The following CFAP77 variants were observed in gnomAD, a reference collection of about 807,000 sequenced individuals.
CFAP77 encodes cilia and flagella associated protein 77.
CFAP77 carries 25 observed loss-of-function variants against 31.1 expected under a neutral mutation model. The ratio of observed to expected loss-of-function variants is 0.80; its 90% CI spans 0.59 to 1.12. CFAP77 has a LOEUF of 1.12. Ranked by LOEUF, CFAP77 falls within the 50% of genes most tolerant of loss-of-function variation. The pLI is 0.00. For synonymous variants in CFAP77, 151 were observed against 159.9 expected (o/e 0.94, Z 0.42); for missense variants, 377 against 397.3 (o/e 0.95, Z 0.44).
Position 132,471,443 on chromosome 9 carries a change from AC to A in CFAP77, c.196-27243del, listed in dbSNP as rs112584387. ...TCCACTTCTTCCTATTCCTTTAAGG[AC>A]CCCCCCCCACCGTTGCCCACACACA... On this transcript the variant is annotated intron_variant, in intron 1 of 5. Coordinates refer to ENST00000393216, the MANE Select transcript of CFAP77 (RefSeq NM_001282957.2). Among the ~76,000 whole-genome samples the A allele has an allele frequency of 2.5e-3, 337 of 135,994 alleles. 1 individual carries two copies. The highest frequency in any genetic ancestry group is 7.6e-3 in the African/African-American group (274 of 36,080). 89.2% of individuals were successfully genotyped at this position (135,994 alleles called of 152,430 possible). A position where few individuals can be genotyped will look rare whatever the true frequency, so the allele number is the denominator to read the frequency against.
chr9:132,498,937 A>C lies in CFAP77; in HGVS notation c.295+143A>C. On this transcript the variant is annotated intron_variant, in intron 2 of 5. Coordinates refer to ENST00000393216, the MANE Select transcript of CFAP77 (RefSeq NM_001282957.2). This position sits in a 1 kb window ranked among gnomAD's most constrained non-coding sequence, Gnocchi z 4.2. ...CAGGGACCGCCAGCCTGGGCAGCTG[A>C]CTGGTAAAACCCAGGAAGTGGCCCA... The C allele has an allele frequency of 1.5e-6, 1 of 645,296 alleles. No individual in the cohort carries two copies. The highest frequency in any genetic ancestry group is 2.7e-6 in the Non-Finnish European group (1 of 371,498). 40.0% of individuals were successfully genotyped at this position (645,296 alleles called of 1,614,324 possible).
At chr9:132,432,443 T>A (rs978980911) in intron 1 of CFAP77, among the ~76,000 whole-genome samples, 65 of 152,184 alleles carry the variant, frequency 4.3e-4, no homozygotes, top group Admixed American at 1.7e-3. Context: ...GACTTTGGAC[T>A]TGGACAGGTC....
At chr9:132,558,246 C>T (rs528277161) in intron 5 of CFAP77, among the ~76,000 whole-genome samples, 22 of 152,326 alleles carry the variant, frequency 1.4e-4, no homozygotes, top group East Asian at 5.8e-4. Flanking sequence ...TAGCCCACTA[C>T]ATAGAAATAA....
At chr9:132,519,582 G>A (rs866763172) in intron 3 of CFAP77, among the ~76,000 whole-genome samples, 14 of 108,826 alleles carry the variant, frequency 1.3e-4, no homozygotes, top group Middle Eastern at 5.0e-3. Context: ...ATAGATGGAT[G>A]GATGGATGGA....
chr9:132,460,047 C>T (rs930005626), intron 1 of CFAP77, among the ~76,000 whole-genome samples: 4 of 152,176 alleles, frequency 2.6e-5, no homozygotes, highest in African/African-American at 9.7e-5. Context: ...CAGGGCATCG[C>T]ACCCTGAGGA....
At chr9:132,493,843 CTTTCT>C (rs969358705) in intron 1 of CFAP77, among the ~76,000 whole-genome samples, 167 of 151,778 alleles carry the variant, frequency 1.1e-3, no homozygotes, top group African/African-American at 3.2e-3. Flanking sequence ...TTTTTCTTTC[CTTTCT>C]TTTCTTTTCT....
chr9:132,564,993 T>C lies in CFAP77; in HGVS notation c.733-7395T>C, dbSNP rs1829866053. Among the ~76,000 whole-genome samples the C allele has an allele frequency of 3.9e-5, 6 of 152,114 alleles. No individual in the cohort carries two copies. The South Asian group carries it at 1.0e-3, about 26-fold the overall frequency. On this transcript the variant is annotated intron_variant, in intron 5 of 5. Coordinates refer to ENST00000393216, the MANE Select transcript of CFAP77 (RefSeq NM_001282957.2). This position sits in a 1 kb window ranked among gnomAD's most constrained non-coding sequence, Gnocchi z 4.6. ...GGCCTTGGGTTTTCCATCTGTAGTA[T>C]GGGAGAGTTAGATTCGATATCACTA...
intron 3 of CFAP77, among the ~76,000 whole-genome samples, chr9:132,519,546 AG>A (rs1852220205): frequency 7.6e-5 from 1 of 13,178 alleles, no homozygotes; most frequent in Non-Finnish European, 1.6e-4. Flanking sequence ...ATGGGTGGGT[AG>A]ATGGATGAAT....
intron 1 of CFAP77, among the ~76,000 whole-genome samples, chr9:132,441,367 T>C (rs534533316): frequency 6.9e-4 from 105 of 152,314 alleles, no homozygotes; most frequent in Non-Finnish European, 1.1e-3. Flanking sequence ...AGCTTTTTAA[T>C]GTACAGTTGC....
intron 1 of CFAP77, among the ~76,000 whole-genome samples, chr9:132,469,025 C>T (rs1441504674): frequency 6.6e-6 from 1 of 151,670 alleles, no homozygotes; most frequent in African/African-American, 2.4e-5. Flanking sequence ...GGTATGAATT[C>T]ACTCATCTTG....
At chr9:132,444,996 CA>C (rs1422206219) in intron 1 of CFAP77, among the ~76,000 whole-genome samples, 1 of 140,404 alleles carries the variant, frequency 7.1e-6, no homozygotes, top group Non-Finnish European at 1.5e-5. Context: ...TTTTTTTAGA[CA>C]GGGTCTCACT....
chr9:132,499,679 G>A lies in CFAP77; in HGVS notation c.524+79G>A, dbSNP rs1851810840. 1 of 1,337,584 alleles carries A rather than the reference G, an allele frequency of 7.5e-7. No individual in the cohort carries two copies. Among genetic ancestry groups the A allele is most frequent in the Non-Finnish European group, 1.1e-6 (1 of 938,420 alleles). 82.9% of individuals were successfully genotyped at this position (1,337,584 alleles called of 1,614,324 possible). ...TCAATCAGGGACAAGGTCGGAGGGT[G>A]ACAGGGAAGTGGAGCATCCTCCCAG... On this transcript the variant is annotated intron_variant, in intron 3 of 5. Coordinates refer to ENST00000393216, the MANE Select transcript of CFAP77 (RefSeq NM_001282957.2). This position sits in a 1 kb window ranked among gnomAD's most constrained non-coding sequence, Gnocchi z 5.4.
chr9:132,482,397 C>A (rs1851465161), intron 1 of CFAP77: 2 of 1,613,028 alleles, frequency 1.2e-6, no homozygotes, highest in Non-Finnish European at 8.5e-7. Flanking sequence ...TGCTGGACAC[C>A]ACATCAAAGG....
At chr9:132,534,180 C>G (rs751613097) in intron 3 of CFAP77, among the ~76,000 whole-genome samples, 13 of 152,188 alleles carry the variant, frequency 8.5e-5, no homozygotes, top group Admixed American at 3.3e-4. Flanking sequence ...GGAAGCTCCC[C>G]ATCAGCCTCC....
intron 1 of CFAP77, among the ~76,000 whole-genome samples, chr9:132,420,159 C>A (rs1199817018): frequency 7.4e-6 from 1 of 135,100 alleles, no homozygotes. Context: ...AGACCTTGAC[C>A]AAAAAAAAAA....
At chr9:132,451,386 C>T (rs888224410) in intron 1 of CFAP77, among the ~76,000 whole-genome samples, 3 of 151,042 alleles carry the variant, frequency 2.0e-5, no homozygotes, top group African/African-American at 4.9e-5. Flanking sequence ...TGTGGGTAGT[C>T]GGTCTGCCAC....
chr9:132,447,006 C>T (rs748631461), intron 1 of CFAP77, among the ~76,000 whole-genome samples: 13 of 152,284 alleles, frequency 8.5e-5, no homozygotes, highest in East Asian at 3.9e-4. Context: ...TCTCCCGCTT[C>T]GGCCTCCCAG....
chr9:132,542,868 T>C, intron 4 of CFAP77, 78 bp from the exon 5 acceptor site: 1 of 1,135,684 alleles, frequency 8.8e-7, no homozygotes, highest in Non-Finnish European at 1.3e-6. Flanking sequence ...CCCAGCCCTC[T>C]GTCTCTATAT....
chr9:132,537,108 G>A (rs1341917666), intron 3 of CFAP77, among the ~76,000 whole-genome samples: 1 of 152,144 alleles, frequency 6.6e-6, no homozygotes, highest in Non-Finnish European at 1.5e-5. Context: ...TTTAGCTGAG[G>A]AGCCAAGGGA....
Sources: allele counts gnomAD v4.1 joint callset (sites outside exome capture counted in the v4.1 genomes callset), GRCh38; gene constraint gnomAD v4.1.1; non-coding constraint Gnocchi (gnomAD v3.1); transcripts MANE v1.5; gene names NCBI Gene and HGNC (gene_info 2026-07-23, HGNC 2026-07-21).